RFX3: variants seen among roughly 807,000 people sequenced by gnomAD.
RFX3 encodes regulatory factor X3, also known as transcription factor RFX3.
A neutral mutation model predicts 98.6 loss-of-function variants in RFX3; 14 were observed. The observed-to-expected ratio is 0.14, with a 90% CI of 0.09 to 0.22. The LOEUF is 0.22. Among genes scored for constraint, RFX3 ranks in the 10% least tolerant of loss-of-function variants. The pLI is 1.00. For synonymous variants in RFX3, 383 were observed against 328.4 expected (o/e 1.17, Z -1.80); for missense variants, 639 against 926.9 (o/e 0.69, Z 4.03).
At chr9:3,304,833 C>T (rs558945531) in intron 4 of RFX3, among the ~76,000 whole-genome samples, 31 of 151,968 alleles carry the variant, frequency 2.0e-4, no homozygotes, top group East Asian at 3.9e-4. Context: ...AGCATGAGAA[C>T]GGACTAATAT....
intron 1 of RFX3, among the ~76,000 whole-genome samples, chr9:3,440,694 C>A (rs10814097): frequency 1.3e-5 from 2 of 151,986 alleles, no homozygotes; most frequent in African/African-American, 4.8e-5. Context: ...ATCCAAATCC[C>A]AAATCCCAAT....
At chr9:3,426,652 A>G (rs1487511212) in intron 1 of RFX3, among the ~76,000 whole-genome samples, 1 of 152,132 alleles carries the variant, frequency 6.6e-6, no homozygotes, top group Non-Finnish European at 1.5e-5. Flanking sequence ...TCTCATAGGA[A>G]TGCAAACCCT....
chr9:3,296,827 C>T (rs1205259316), intron 5 of RFX3, among the ~76,000 whole-genome samples: 2 of 152,072 alleles, frequency 1.3e-5, no homozygotes, highest in Non-Finnish European at 2.9e-5. Context: ...ACTAACCCAC[C>T]TCGGGCTAGA....
At chr9:3,470,716 G>C (rs1848704613) in intron 1 of RFX3, among the ~76,000 whole-genome samples, 1 of 152,124 alleles carries the variant, frequency 6.6e-6, no homozygotes, top group Non-Finnish European at 1.5e-5. Context: ...TATCTATTGT[G>C]ATTGAGAGAC....
chr9:3,307,867 G>A (rs745514882), intron 4 of RFX3, among the ~76,000 whole-genome samples: 15 of 152,228 alleles, frequency 9.9e-5, no homozygotes, highest in South Asian at 2.1e-4. Context: ...CTTCTTGAGC[G>A]TTGCTCCTTC....
chr9:3,281,768 C>A (rs1399451186), intron 7 of RFX3, among the ~76,000 whole-genome samples: 2 of 151,770 alleles, frequency 1.3e-5, no homozygotes, highest in Non-Finnish European at 2.9e-5. Context: ...TTAGTCACAG[C>A]TGCTATTTAG....
At chr9:3,349,626 T>C (rs899215746) in intron 2 of RFX3, among the ~76,000 whole-genome samples, 3 of 152,114 alleles carry the variant, frequency 2.0e-5, no homozygotes, top group Non-Finnish European at 4.4e-5. Flanking sequence ...TTTAGGTTTA[T>C]CCTTTCATTG....
At chr9:3,271,543 CTTTCTCTCTT>C (rs767137394) in intron 9 of RFX3, among the ~76,000 whole-genome samples, 2 of 74,136 alleles carry the variant, frequency 2.7e-5, no homozygotes, top group South Asian at 5.3e-4. Flanking sequence ...CTCTCTTTCT[CTTTCTCTCTT>C]TCTCTCTCTC....
At chr9:3,465,719 G>A (rs544014008) in intron 1 of RFX3, among the ~76,000 whole-genome samples, 2 of 151,892 alleles carry the variant, frequency 1.3e-5, no homozygotes, top group African/African-American at 2.4e-5. Context: ...AAGAAGAGAA[G>A]GTATGCAAAC....
At chr9:3,263,832 C>G (rs1268501827) in intron 12 of RFX3, among the ~76,000 whole-genome samples, 1 of 152,160 alleles carries the variant, frequency 6.6e-6, no homozygotes, top group African/African-American at 2.4e-5. Flanking sequence ...CAATAACAGG[C>G]ACTGGCAGGA....
chr9:3,484,465 G>A (rs1850078335), intron 1 of RFX3, among the ~76,000 whole-genome samples: 2 of 152,092 alleles, frequency 1.3e-5, no homozygotes, highest in Admixed American at 6.6e-5. Context: ...AGATAACTAC[G>A]CTAATCAAAA....
At chr9:3,405,640 A>C (rs1041279392) in intron 1 of RFX3, among the ~76,000 whole-genome samples, 3 of 152,194 alleles carry the variant, frequency 2.0e-5, no homozygotes, top group Admixed American at 2.0e-4. Context: ...TTTTTCTCAA[A>C]GAAGCTAAAA....
At chr9:3,477,663 G>A (rs1849389901) in intron 1 of RFX3, among the ~76,000 whole-genome samples, 1 of 152,142 alleles carries the variant, frequency 6.6e-6, no homozygotes, top group Non-Finnish European at 1.5e-5. Flanking sequence ...GGATTACAGT[G>A]AGCTTCTTGG....
At chr9:3,399,906 T>C (rs1461477378) in intron 1 of RFX3, among the ~76,000 whole-genome samples, 1 of 148,182 alleles carries the variant, frequency 6.7e-6, no homozygotes, top group African/African-American at 2.5e-5. Context: ...CCAAGATCAT[T>C]CCACTGCACT....
chr9:3,502,053 C>G (rs1214183094), intron 1 of RFX3, among the ~76,000 whole-genome samples: 1 of 151,212 alleles, frequency 6.6e-6, no homozygotes, highest in Non-Finnish European at 1.5e-5. Flanking sequence ...AGATCGAGAC[C>G]ATTCTTGCTA....
At chr9:3,467,841 C>G (rs1429609365) in intron 1 of RFX3, among the ~76,000 whole-genome samples, 1 of 152,088 alleles carries the variant, frequency 6.6e-6, no homozygotes, top group Non-Finnish European at 1.5e-5. Flanking sequence ...ACAGAGTTGT[C>G]AACAAAATAA....
At chr9:3,228,991 T>A (rs1818129780) in intron 15 of RFX3, 102 bp from the exon 16 acceptor site, 2 of 900,728 alleles carry the variant, frequency 2.2e-6, no homozygotes, top group South Asian at 3.9e-5. Context: ...TCTTTAAAAC[T>A]GTAAACTAGT....
chr9:3,298,974 T>A (rs1402470442), intron 5 of RFX3, among the ~76,000 whole-genome samples: 1 of 151,700 alleles, frequency 6.6e-6, no homozygotes, highest in African/African-American at 2.4e-5. Context: ...TCTCCCAATG[T>A]TTTTACATAA....
At chr9:3,262,615 C>T (rs1375671955) in intron 13 of RFX3, among the ~76,000 whole-genome samples, 2 of 152,180 alleles carry the variant, frequency 1.3e-5, no homozygotes, top group African/African-American at 2.4e-5. Flanking sequence ...CCCAAGATCC[C>T]ACAGCTGGTA....
Sources: gnomAD v4.1 joint callset for allele counts (sites outside exome capture counted in the v4.1 genomes callset) on GRCh38, gnomAD v4.1.1 for gene constraint, MANE v1.5 for transcripts, NCBI Gene and HGNC (gene_info 2026-07-23, HGNC 2026-07-21) for gene names.